TMCC1: variants seen among roughly 807,000 people sequenced by gnomAD.
TMCC1 encodes the protein transmembrane and coiled-coil domain family 1.
A neutral mutation model predicts 52.4 loss-of-function variants in TMCC1; 15 were observed. That is an observed-to-expected ratio of 0.29 (90% CI 0.19 to 0.44). TMCC1 has a LOEUF of 0.44. TMCC1 is among the 20% of genes least tolerant of loss of function. The pLI, the probability that TMCC1 is intolerant of heterozygous loss-of-function variation, is 1.00. For synonymous variants in TMCC1, 279 were observed against 301.9 expected (o/e 0.92, Z 0.79); for missense variants, 503 against 806.0 (o/e 0.62, Z 4.55).
intron 4 of TMCC1, among the ~76,000 whole-genome samples, chr3:129,751,981 T>C (rs2052570047): frequency 6.6e-6 from 1 of 152,232 alleles, no homozygotes; most frequent in African/African-American, 2.4e-5. Context: ...TGGAACCTAA[T>C]TGCTTTAAAT....
intron 1 of TMCC1, among the ~76,000 whole-genome samples, chr3:129,885,572 G>A (rs1303752579): frequency 6.6e-6 from 1 of 152,098 alleles, no homozygotes; most frequent in Non-Finnish European, 1.5e-5. Flanking sequence ...GTGAGACAGA[G>A]AGACTTCATC....
chr3:129,719,459 G>A (rs2049387550), intron 4 of TMCC1, among the ~76,000 whole-genome samples: 1 of 152,264 alleles, frequency 6.6e-6, no homozygotes, highest in African/African-American at 2.4e-5. Flanking sequence ...TGAATCCAAG[G>A]AGGGGGCTGT....
intron 4 of TMCC1, among the ~76,000 whole-genome samples, chr3:129,752,367 T>C (rs916634812): frequency 6.6e-6 from 1 of 152,148 alleles, no homozygotes; most frequent in Non-Finnish European, 1.5e-5. Flanking sequence ...AACCAAAATC[T>C]AAATAGTCAT....
intron 4 of TMCC1, among the ~76,000 whole-genome samples, chr3:129,757,453 T>C (rs1259963105): frequency 6.6e-6 from 1 of 152,204 alleles, no homozygotes; most frequent in Non-Finnish European, 1.5e-5. Context: ...AACCCTTCCC[T>C]GCCAACCAGG....
intron 4 of TMCC1, among the ~76,000 whole-genome samples, chr3:129,731,359 CAT>C (rs1383773807): frequency 6.6e-6 from 1 of 152,228 alleles, no homozygotes; most frequent in Non-Finnish European, 1.5e-5. Flanking sequence ...GGAGAGATCA[CAT>C]GAGGCCAGGA....
At chr3:129,803,031 T>C (rs987983945) in intron 4 of TMCC1, among the ~76,000 whole-genome samples, 1 of 152,198 alleles carries the variant, frequency 6.6e-6, no homozygotes, top group Non-Finnish European at 1.5e-5. Flanking sequence ...CAAGAGAGCA[T>C]GCACAAGAGT....
chr3:129,884,998 A>G (rs1347296636), intron 1 of TMCC1, among the ~76,000 whole-genome samples: 3 of 151,866 alleles, frequency 2.0e-5, no homozygotes, highest in South Asian at 2.1e-4. Context: ...AATTAGCCAG[A>G]GACGGTGGGA....
rs55678236 is a variant in TMCC1 at position 129,735,647 on chromosome 3, T to TAA, written c.577-64385_577-64384dup. ...CTGGGCGACAGAGCCAAGACTCTCTTAAAAAAAAAAAAAAAAGCAAAGAGA... is the reference window on the plus strand; with the variant it reads ...CTGGGCGACAGAGCCAAGACTCTCTTAAAAAAAAAAAAAAAAAAGCAAAGAGA... On this transcript the variant is annotated intron_variant, in intron 4 of 6. Coordinates refer to ENST00000393238, the MANE Select transcript of TMCC1 (RefSeq NM_001017395.5). 7.1e-3 allele frequency among the ~76,000 whole-genome samples: 956 copies of TAA among 134,602 alleles called. 18 individuals carry two copies. The highest frequency in any genetic ancestry group is 0.015 in the African/African-American group (513 of 35,374). The allele number at this position is 134,602 out of a possible 152,430, so 88.3% of individuals were successfully genotyped here.
chr3:129,753,917 T>A (rs2052757147), intron 4 of TMCC1, among the ~76,000 whole-genome samples: 1 of 149,228 alleles, frequency 6.7e-6, no homozygotes, highest in African/African-American at 2.5e-5. Context: ...TCATAAGTAA[T>A]ATAACTGTCT....
intron 4 of TMCC1, among the ~76,000 whole-genome samples, chr3:129,701,194 G>A (rs917124090): frequency 2.6e-5 from 4 of 152,276 alleles, no homozygotes. Flanking sequence ...AATAAAAGTT[G>A]AGTCAAGGAA....
At chr3:129,718,109 A>G (rs2049247426) in intron 4 of TMCC1, among the ~76,000 whole-genome samples, 2 of 152,254 alleles carry the variant, frequency 1.3e-5, no homozygotes, top group African/African-American at 2.4e-5. Context: ...GAATGAATGC[A>G]TAAAACATAT....
intron 4 of TMCC1, chr3:129,819,173 C>T (rs1411523929): frequency 6.6e-6 from 1 of 152,286 alleles, no homozygotes; most frequent in African/African-American, 2.4e-5. Context: ...ACCTCCACCT[C>T]CCGGGTTCAA....
chr3:129,737,316 G>A (rs924530130), intron 4 of TMCC1, among the ~76,000 whole-genome samples: 1 of 151,586 alleles, frequency 6.6e-6, no homozygotes, highest in Non-Finnish European at 1.5e-5. Context: ...CCATCTCTAC[G>A]AAAAAAATAC....
intron 4 of TMCC1, among the ~76,000 whole-genome samples, chr3:129,818,770 A>G (rs2058259782): frequency 6.6e-6 from 1 of 152,206 alleles, no homozygotes; most frequent in African/African-American, 2.4e-5. Flanking sequence ...ACATGCCACA[A>G]TTCTTAATTA....
At chr3:129,681,335 T>C (rs2088958789) in intron 4 of TMCC1, among the ~76,000 whole-genome samples, 1 of 152,196 alleles carries the variant, frequency 6.6e-6, no homozygotes, top group Non-Finnish European at 1.5e-5. Flanking sequence ...TAATATAGTT[T>C]GGTCAATATT....
At chr3:129,888,971 T>G (rs1050287809) in intron 1 of TMCC1, among the ~76,000 whole-genome samples, 2 of 152,076 alleles carry the variant, frequency 1.3e-5, no homozygotes, top group Non-Finnish European at 1.5e-5. Flanking sequence ...AAGAACGTTC[T>G]ATAAAAATAC....
intron 6 of TMCC1, among the ~76,000 whole-genome samples, chr3:129,653,246 T>C (rs2108841780): frequency 6.6e-6 from 1 of 152,346 alleles, no homozygotes; most frequent in South Asian, 2.1e-4. Flanking sequence ...TTTTCCACTA[T>C]AACAATGATG....
Position 129,723,479 on chromosome 3 carries a change from C to T in TMCC1, c.577-52215G>A, listed in dbSNP as rs989855161. The stretch of plus-strand genomic sequence containing the variant: ...ATTTGTTATGCATGCCTGGCATCTT[C>T]GAATTTAACCCATGTTTTTCCCAAG... On this transcript the variant is annotated intron_variant, in intron 4 of 6. Transcript: ENST00000393238. 6.8e-5 allele frequency among the ~76,000 whole-genome samples: 10 copies of T among 146,882 alleles called. No individual in the cohort carries two copies. The East Asian group carries it at 1.8e-3, about 26-fold the overall frequency.
chr3:129,679,771 TTTTG>T (rs1225908932), intron 4 of TMCC1, among the ~76,000 whole-genome samples: 1 of 152,244 alleles, frequency 6.6e-6, no homozygotes, highest in Non-Finnish European at 1.5e-5. Context: ...TTTTGTCCAC[TTTTG>T]TTTCTCTAAC....
Sources: gnomAD v4.1 joint callset for allele counts (sites outside exome capture counted in the v4.1 genomes callset) on GRCh38, gnomAD v4.1.1 for gene constraint, MANE v1.5 for transcripts, NCBI Gene and HGNC (gene_info 2026-07-23, HGNC 2026-07-21) for gene names.